RGS3: variants seen among roughly 807,000 people sequenced by gnomAD.
RGS3 encodes the protein regulator of G-protein signalling 3.
RGS3 carries 80 observed loss-of-function variants against 132.6 expected under a neutral mutation model. The ratio of observed to expected loss-of-function variants is 0.60; its 90% CI spans 0.50 to 0.73. The LOEUF is 0.73. RGS3 is among the 30% of genes least tolerant of loss of function. The pLI is 0.00. For missense variants in RGS3, 1,382 were observed against 1,530.8 expected, an observed-to-expected ratio of 0.90 and a Z score of 1.62; for synonymous variants, 598 against 620.6, an observed-to-expected ratio of 0.96 and a Z score of 0.54.
intron 4 of RGS3, among the ~76,000 whole-genome samples, chr9:113,480,598 G>A (rs1830129897): frequency 6.6e-6 from 1 of 152,200 alleles, no homozygotes; most frequent in Admixed American, 6.5e-5. Context: ...GGGAAGACTT[G>A]GCGGAGGGGG....
Position 113,506,451 on chromosome 9 carries a change from C to A in RGS3, c.1043C>A (p.Pro348His). ...ACGGTGCTGCAGCTGAATGAGAGGC[C>A]TGTGGAGCACTGGAAATGTGTGGAG... The change falls in exon 12 of 25, where the codon CCT becomes CAT. Residue 348 changes from proline (P) to histidine (H), a missense_variant. By Grantham distance (77) the Pro-to-His change is moderately conservative. Transcript: ENST00000350696. The surrounding 1 kb of genome is among the most constrained non-coding windows in gnomAD (Gnocchi z 4.7). The A allele has an allele frequency of 6.3e-7, 1 of 1,597,954 alleles. No homozygotes were observed. The highest frequency in any genetic ancestry group is 8.5e-7 in the Non-Finnish European group (1 of 1,173,654).
chr9:113,469,490 C>T (rs944700743), intron 3 of RGS3, among the ~76,000 whole-genome samples: 4 of 152,200 alleles, frequency 2.6e-5, no homozygotes, highest in Middle Eastern at 3.4e-3. Context: ...GTCCTCTTTT[C>T]CCATTCTGCT....
intron 3 of RGS3, among the ~76,000 whole-genome samples, chr9:113,465,439 C>CTGCTATTTCTGTGTG (rs1554754542): frequency 1.3e-4 from 17 of 135,308 alleles, no homozygotes; most frequent in African/African-American, 4.7e-4. Context: ...ACACCTATTT[C>CTGCTATTTCTGTGTG]TGTGTGTGTG....
chr9:113,523,074 C>A, intron 17 of RGS3, 33 bp downstream of exon 15: 1 of 1,398,764 alleles, frequency 7.1e-7, no homozygotes, highest in Non-Finnish European at 1.0e-6. Context: ...CAGAGCCCCT[C>A]TCAACTTGCC....
intron 4 of RGS3, among the ~76,000 whole-genome samples, chr9:113,480,435 G>A (rs551899141): frequency 6.8e-6 from 1 of 147,906 alleles, no homozygotes; most frequent in East Asian, 1.9e-4. Context: ...CTCCAGCCCA[G>A]GCGACAGTAC....
intron 19 of RGS3, among the ~76,000 whole-genome samples, chr9:113,574,786 G>A (rs1306771229): frequency 1.3e-5 from 2 of 152,192 alleles, no homozygotes; most frequent in Admixed American, 6.5e-5. Flanking sequence ...GCAGGGTGCC[G>A]GGTGGGAAGG....
intron 14 of RGS3, among the ~76,000 whole-genome samples, chr9:113,512,976 C>A (rs1831472167): frequency 6.6e-6 from 1 of 152,206 alleles, no homozygotes; most frequent in Admixed American, 6.5e-5. Flanking sequence ...GCGGGCGGAT[C>A]ACCTGAGGTT....
chr9:113,553,847 A>G (rs1389280555), intron 19 of RGS3, among the ~76,000 whole-genome samples: 1 of 152,196 alleles, frequency 6.6e-6, no homozygotes, highest in Non-Finnish European at 1.5e-5. Context: ...CCGTCTCCAA[A>G]AAAAAGAAAG....
In RGS3 at chr9:113,565,784, C is replaced by A; in HGVS notation, c.2038-17666C>A. 5.1e-6 allele frequency: 1 copy of A among 197,228 alleles called. No individual in the cohort carries two copies. The highest frequency in any genetic ancestry group is 1.1e-5 in the Non-Finnish European group (1 of 94,340). 12.2% of individuals were successfully genotyped at this position (197,228 alleles called of 1,614,324 possible). On this transcript the variant is annotated intron_variant, in intron 19 of 24. Coordinates refer to ENST00000350696, the Ensembl canonical transcript of RGS3. This position sits in a 1 kb window ranked among gnomAD's most constrained non-coding sequence, Gnocchi z 5.7. ...TGTGGTGGGCGGGCATCCAAGCCACCCTGTGCCCCTGTTTCTATTGTTTCT... is the reference window on the plus strand; with the variant it reads ...TGTGGTGGGCGGGCATCCAAGCCACACTGTGCCCCTGTTTCTATTGTTTCT...
intron 19 of RGS3, among the ~76,000 whole-genome samples, chr9:113,539,619 C>T (rs1053454562): frequency 2.0e-5 from 3 of 152,136 alleles, no homozygotes; most frequent in Non-Finnish European, 4.4e-5. Flanking sequence ...CAAAGGAAAA[C>T]ACTGCCTAGA....
At chr9:113,472,385 G>T (rs1229572207) in intron 3 of RGS3, among the ~76,000 whole-genome samples, 1 of 152,172 alleles carries the variant, frequency 6.6e-6, no homozygotes, top group African/African-American at 2.4e-5. Context: ...TCCATCACCA[G>T]ATGAGTGGAT....
At chr9:113,534,047 T>C (rs998963465) in intron 18 of RGS3, among the ~76,000 whole-genome samples, 7 of 152,348 alleles carry the variant, frequency 4.6e-5, no homozygotes, top group Admixed American at 1.3e-4. Context: ...CTTTTGGGCC[T>C]GAGAGGAATG....
intron 20 of RGS3, among the ~76,000 whole-genome samples, chr9:113,584,911 G>C (rs1228062178): frequency 1.3e-5 from 2 of 152,230 alleles, no homozygotes; most frequent in Non-Finnish European, 2.9e-5. Context: ...TTTTACAGCA[G>C]AGGAAACCGA....
intron 19 of RGS3, among the ~76,000 whole-genome samples, chr9:113,540,274 G>A (rs1424068481): frequency 2.0e-5 from 3 of 152,080 alleles, no homozygotes; most frequent in African/African-American, 4.8e-5. Flanking sequence ...GGCCATTCAG[G>A]TTCTAAGCTA....
rs372876281 is a variant in RGS3 at position 113,492,847 on chromosome 9, C to T, written c.690-2939C>T. ...ACATTAATTGTGGCAATTTACGCTGCCTGAGTTACCATGAAAGCATGGGAG... is the reference window on the plus strand; with the variant it reads ...ACATTAATTGTGGCAATTTACGCTGTCTGAGTTACCATGAAAGCATGGGAG... On this transcript the variant is annotated intron_variant, in intron 7 of 24. Transcript: ENST00000350696. Among the ~76,000 whole-genome samples, 10 of 152,258 alleles carry T rather than the reference C, an allele frequency of 6.6e-5. No individual in the cohort carries two copies. In the East Asian group the frequency reaches 1.2e-3, roughly 18 times the overall value.
chr9:113,525,696 C>A (rs368515087), intron 17 of RGS3, among the ~76,000 whole-genome samples: 13 of 152,302 alleles, frequency 8.5e-5, no homozygotes, highest in African/African-American at 3.1e-4. Flanking sequence ...TGCTCCCTGG[C>A]AGGGGAGAAT....
At chr9:113,447,484 A>G (rs1829139887) in intron 1 of RGS3, among the ~76,000 whole-genome samples, 1 of 150,654 alleles carries the variant, frequency 6.6e-6, no homozygotes, top group African/African-American at 2.4e-5. Context: ...ATATATATGT[A>G]TAAAATTTTT....
At chr9:113,496,146 C>T (rs1040972737) in intron 8 of RGS3, among the ~76,000 whole-genome samples, 1 of 152,172 alleles carries the variant, frequency 6.6e-6, no homozygotes, top group Non-Finnish European at 1.5e-5. Flanking sequence ...CCCTTGGGGC[C>T]CAGAGCACTC....
chr9:113,482,469 T>C (rs1325987303), intron 4 of RGS3, among the ~76,000 whole-genome samples: 1 of 152,192 alleles, frequency 6.6e-6, no homozygotes, highest in African/African-American at 2.4e-5. Flanking sequence ...CGTCCACCCC[T>C]GAGGCCCCAG....
Sources: gnomAD v4.1 joint callset for allele counts (sites outside exome capture counted in the v4.1 genomes callset) on GRCh38, gnomAD v4.1.1 for gene constraint, Gnocchi (gnomAD v3.1) non-coding constraint, MANE v1.5 for transcripts, NCBI Gene and HGNC (gene_info 2026-07-23, HGNC 2026-07-21) for gene names.